The following SYT1 variants were observed in gnomAD, a reference collection of about 807,000 sequenced individuals.
SYT1 encodes synaptotagmin 1, also known as synaptotagmin-1.
SYT1 carries 8 observed loss-of-function variants against 44.8 expected under a neutral mutation model. The observed-to-expected ratio is 0.18, with a 90% CI of 0.10 to 0.32. The LOEUF (loss-of-function observed/expected upper bound fraction) is 0.32. SYT1 is among the 10% of genes least tolerant of loss of function. The probability of loss-of-function intolerance (pLI) is 1.00; values close to 1 mark genes in which losing one functional copy is unlikely to be tolerated. For missense variants in SYT1, 286 were observed against 509.3 expected (o/e 0.56, Z 4.22); for synonymous variants, 154 against 188.8 (o/e 0.82, Z 1.51).
At chr12:78,979,185 A>G (rs1024198414) in intron 2 of SYT1, among the ~76,000 whole-genome samples, 16 of 152,190 alleles carry the variant, frequency 1.1e-4, no homozygotes, top group African/African-American at 3.4e-4. Flanking sequence ...CCACAGTACT[A>G]ATTTACATTG....
At chr12:78,945,109 T>C (rs910338022) in intron 1 of SYT1, among the ~76,000 whole-genome samples, 2 of 152,150 alleles carry the variant, frequency 1.3e-5, no homozygotes, top group Non-Finnish European at 2.9e-5. Context: ...GTAAAACCAG[T>C]TTAAAAGAAT....
intron 1 of SYT1, among the ~76,000 whole-genome samples, chr12:78,947,777 C>A (rs977137604): frequency 1.3e-5 from 2 of 150,206 alleles, no homozygotes; most frequent in African/African-American, 4.9e-5. Flanking sequence ...AAGCTCGAGT[C>A]TATTCCAGGA....
chr12:79,368,522 A>G (rs1286422928), intron 9 of SYT1, among the ~76,000 whole-genome samples: 2 of 149,662 alleles, frequency 1.3e-5, no homozygotes, highest in African/African-American at 4.9e-5. Context: ...CAACAGTGTA[A>G]AAGTGTTCCT....
intron 1 of SYT1, among the ~76,000 whole-genome samples, chr12:78,880,654 G>A (rs1162782606): frequency 1.7e-4 from 26 of 151,112 alleles, no homozygotes; most frequent in Non-Finnish European, 3.0e-5. Context: ...CTCATCCAAT[G>A]AAAAAAATAT....
In SYT1 at chr12:79,377,323, G is replaced by A. The variant is rs374806335; in HGVS notation, c.928+23704G>A. On this transcript the variant is annotated intron_variant, in intron 9 of 10. Coordinates refer to ENST00000261205, the MANE Select transcript of SYT1 (RefSeq NM_005639.3). ...AGACGAGGTTTCACCGTTTTAGCCA[G>A]GATGGTCTCGATCTCCTGACCTCGT... is the stretch of plus-strand genomic sequence containing the variant. Among the ~76,000 whole-genome samples, 24 of 152,276 alleles carry A rather than the reference G, an allele frequency of 1.6e-4. No individual in the cohort carries two copies. In the South Asian group the frequency reaches 5.0e-3, roughly 32 times the overall value.
In SYT1 at chr12:78,981,206, C is replaced by T. The variant is rs150340637; in HGVS notation, c.-84+3275C>T. 1.6e-4 allele frequency among the ~76,000 whole-genome samples: 24 copies of T among 148,324 alleles called. No homozygotes were observed. The South Asian group carries it at 3.8e-3, about 23-fold the overall frequency. ...GCAATGGCATGATCCTGGCTCACTGCAACCTCCAACTCCCAGGTTCAAATG... is the reference window on the plus strand; with the variant it reads ...GCAATGGCATGATCCTGGCTCACTGTAACCTCCAACTCCCAGGTTCAAATG... On this transcript the variant is annotated intron_variant, in intron 2 of 10. Transcript: ENST00000261205.
chr12:79,349,451 A>G (rs1243041653), intron 8 of SYT1, among the ~76,000 whole-genome samples: 1 of 152,208 alleles, frequency 6.6e-6, no homozygotes, highest in African/African-American at 2.4e-5. Flanking sequence ...AGTTTCTATC[A>G]TTCCAGACAG....
chr12:79,381,562 C>G (rs1884223956), intron 9 of SYT1, among the ~76,000 whole-genome samples: 1 of 152,186 alleles, frequency 6.6e-6, no homozygotes. Context: ...AGAATAAGCC[C>G]TGAATGTACT....
chr12:79,276,130 T>C (rs1290433149), intron 4 of SYT1, among the ~76,000 whole-genome samples: 1 of 140,412 alleles, frequency 7.1e-6, no homozygotes, highest in African/African-American at 2.6e-5. Flanking sequence ...AAAATGATTC[T>C]GGCAATATAA....
rs143869984 is a variant in SYT1 at position 79,328,194 on chromosome 12, AAGAATTTGC to A, written c.811-25300_811-25292del. 4.4e-3 allele frequency among the ~76,000 whole-genome samples: 669 copies of A among 152,308 alleles called. 28 individuals carry two copies. In the East Asian group the frequency reaches 0.099, roughly 22 times the overall value. On this transcript the variant is annotated intron_variant, in intron 8 of 10. Transcript: ENST00000261205. ...AAAATTGAAAAAGTATTTTCAAAACAAGAATTTGCAGAATTTTGTTACTGATCAGATAGA... is the reference window on the plus strand; with the variant it reads ...AAAATTGAAAAAGTATTTTCAAAACAAGAATTTTGTTACTGATCAGATAGA...
At chr12:79,109,050 CAG>C (rs1878870468) in intron 3 of SYT1, among the ~76,000 whole-genome samples, 1 of 152,112 alleles carries the variant, frequency 6.6e-6, no homozygotes, top group African/African-American at 2.4e-5. Flanking sequence ...AGAGGGAAAA[CAG>C]GGACTCTCCA....
At chr12:79,041,359 C>T (rs1373207029) in intron 2 of SYT1, among the ~76,000 whole-genome samples, 1 of 152,068 alleles carries the variant, frequency 6.6e-6, no homozygotes, top group Non-Finnish European at 1.5e-5. Flanking sequence ...AAGTTGGATT[C>T]CTAGGTATTT....
chr12:79,273,910 C>G lies in SYT1; in HGVS notation c.167-11877C>G, dbSNP rs572314102. Among the ~76,000 whole-genome samples the G allele has an allele frequency of 3.4e-4, 52 of 152,220 alleles. 1 individual carries two copies. The South Asian group carries it at 0.011, about 31-fold the overall frequency. On this transcript the variant is annotated intron_variant, in intron 4 of 10. Coordinates refer to ENST00000261205, the MANE Select transcript of SYT1 (RefSeq NM_005639.3). ...ACCATCCTGGCCAACATGGTGAAAC[C>G]CCGTCTCTACTAAAAATACAGAAAT...
chr12:79,134,946 C>A (rs1446269420), intron 3 of SYT1, among the ~76,000 whole-genome samples: 1 of 151,722 alleles, frequency 6.6e-6, no homozygotes, highest in Admixed American at 6.6e-5. Flanking sequence ...GTATTGTACA[C>A]TTGAAATTTG....
chr12:79,429,522 TTTTG>T (rs1366513362), intron 9 of SYT1, among the ~76,000 whole-genome samples: 4 of 151,886 alleles, frequency 2.6e-5, no homozygotes, highest in Non-Finnish European at 5.9e-5. Context: ...ATTATGATTT[TTTTG>T]TTTGTTTGTT....
chr12:79,314,610 C>T (rs749394965), intron 8 of SYT1, among the ~76,000 whole-genome samples: 3 of 152,106 alleles, frequency 2.0e-5, no homozygotes, highest in Non-Finnish European at 2.9e-5. Flanking sequence ...AATTCTTATA[C>T]GTTGCTAATG....
chr12:79,300,742 G>T (rs1880097333), intron 8 of SYT1, among the ~76,000 whole-genome samples: 1 of 144,266 alleles, frequency 6.9e-6, no homozygotes, highest in Non-Finnish European at 1.5e-5. Flanking sequence ...TTCCAAAAAA[G>T]AGAGCAGAGC....
intron 3 of SYT1, among the ~76,000 whole-genome samples, chr12:79,080,408 TATTA>T (rs1404972087): frequency 6.6e-6 from 1 of 152,152 alleles, no homozygotes; most frequent in East Asian, 1.9e-4. Context: ...ATTTAATGAT[TATTA>T]ATTAACCTTC....
intron 3 of SYT1, among the ~76,000 whole-genome samples, chr12:79,101,336 A>C (rs560770510): frequency 3.0e-4 from 46 of 152,358 alleles, no homozygotes; most frequent in African/African-American, 1.1e-3. Flanking sequence ...AAATGGATGA[A>C]CCTTGGAGAC....
Sources: gnomAD v4.1 joint callset for allele counts (sites outside exome capture counted in the v4.1 genomes callset) on GRCh38, gnomAD v4.1.1 for gene constraint, MANE v1.5 for transcripts, NCBI Gene and HGNC (gene_info 2026-07-23, HGNC 2026-07-21) for gene names.